The following TNK2 variants were observed in gnomAD, a reference collection of about 807,000 sequenced individuals.
The protein encoded by TNK2 is activated CDC42 kinase 1.
Under a neutral mutation model 101.8 loss-of-function variants are expected in TNK2, and 83 were observed. The observed-to-expected ratio is 0.82, with a 90% CI of 0.68 to 0.98. The LOEUF (loss-of-function observed/expected upper bound fraction) is 0.98. TNK2 is among the 50% of genes least tolerant of loss of function. The pLI, the probability that TNK2 is intolerant of heterozygous loss-of-function variation, is 0.00. For missense variants in TNK2, 1,665 were observed against 1,483.2 expected, an observed-to-expected ratio of 1.12 and a Z score of -2.01; for synonymous variants, 804 against 633.0, an observed-to-expected ratio of 1.27 and a Z score of -4.06.
intron 10 of TNK2, among the ~76,000 whole-genome samples, chr3:195,870,770 A>G (rs79566675): frequency 0.016 from 2,488 of 152,318 alleles, 84 homozygotes; most frequent in African/African-American, 0.057. Context: ...GCATGCCAGG[A>G]GTGGGGCAGA....
In TNK2 at chr3:195,864,122, G is replaced by A. The variant is rs984325489; in HGVS notation, c.*59C>T. On this transcript the variant is annotated 3_prime_UTR_variant, in exon 16 of 16. Transcript: ENST00000672887. ...GGATGGGGGCATCTCCCCACTCCTG[G>A]TGGACGGACAGGCTCAGGTGATTCC... 1 of 1,612,490 alleles carries A rather than the reference G, an allele frequency of 6.2e-7. No individual in the cohort carries two copies. Among genetic ancestry groups the A allele is most frequent in the Non-Finnish European group, 8.5e-7 (1 of 1,178,932 alleles).
intron 9 of TNK2, among the ~76,000 whole-genome samples, chr3:195,877,744 C>T (rs1468291874): frequency 6.6e-6 from 1 of 152,028 alleles, no homozygotes; most frequent in African/African-American, 2.4e-5. Flanking sequence ...AGAGAGGGTC[C>T]TCCCAAGGGG....
Position 195,883,246 on chromosome 3 carries a change from A to G in TNK2, c.520T>C (p.Phe174Leu). 1 of 1,613,276 alleles carries G rather than the reference A, an allele frequency of 6.2e-7. No individual in the cohort carries two copies. Residue 174 changes from phenylalanine (F) to leucine (L), a missense_variant, in exon 5 of 16, where the codon TTC (phenylalanine) becomes CTC (leucine). Physicochemically the swap from Phe to Leu is conservative, Grantham distance 22. Around this residue, in one of 3 missense-constraint regions of TNK2, gnomAD observed 490 missense variants for 522.5 expected, o/e 0.94. Transcript: ENST00000672887. ...TGCATGGCATTGACCTCCCGGATGA[A>G]GTCGTCCATGGCTTCTGGCTGGCTC... ...VLSQPEAMDDFIREVNAMHSL... is the reference protein window; with the variant it reads ...VLSQPEAMDDLIREVNAMHSL...
intron 15 of TNK2, among the ~76,000 whole-genome samples, chr3:195,865,689 G>A (rs1001128045): frequency 3.4e-5 from 5 of 146,928 alleles, no homozygotes; most frequent in Non-Finnish European, 7.5e-5. Context: ...GTGCAAATCA[G>A]TTAAGAACGA....
intron 5 of TNK2, 26 bp downstream of exon 5, chr3:195,883,131 C>A: frequency 6.3e-7 from 1 of 1,594,954 alleles, no homozygotes; most frequent in Non-Finnish European, 8.5e-7. Flanking sequence ...TCTCCCTGCC[C>A]GCCCCCTCCC....
chr3:195,901,944 T>C (rs11185498), intron 1 of TNK2, among the ~76,000 whole-genome samples: 35,081 of 152,136 alleles, frequency 0.23, 4,163 homozygotes, highest in Middle Eastern at 0.32. Context: ...GCTGAGTGAA[T>C]GCATGGATTC....
chr3:195,891,115 G>A (rs1024735785), intron 1 of TNK2, among the ~76,000 whole-genome samples: 6 of 152,188 alleles, frequency 3.9e-5, no homozygotes. Flanking sequence ...TTTAAGACAA[G>A]TAACAATAAA....
Position 195,878,708 on chromosome 3 carries a change from A to G in TNK2, c.1015-116T>C. ...GGCTGCTGCCATGCCTGGCCTCCAA[A>G]GAAGGGATCTGCCTGCCTGGGAGGG... On this transcript the variant is annotated intron_variant, in intron 7 of 15. Coordinates refer to ENST00000672887, the MANE Select transcript of TNK2 (RefSeq NM_001382273.1). This position sits in a 1 kb window ranked among gnomAD's most constrained non-coding sequence, Gnocchi z 4.7. 1 of 1,439,548 alleles carries G rather than the reference A, an allele frequency of 6.9e-7. No homozygotes were observed. Among genetic ancestry groups the G allele is most frequent in the Non-Finnish European group, 9.3e-7 (1 of 1,076,254 alleles). The allele number at this position is 1,439,548 out of a possible 1,614,324, so 89.2% of individuals were successfully genotyped here.
intron 9 of TNK2, among the ~76,000 whole-genome samples, chr3:195,877,466 C>T (rs1298746929): frequency 6.6e-6 from 1 of 152,200 alleles, no homozygotes; most frequent in African/African-American, 2.4e-5. Flanking sequence ...GGGAAGCAGC[C>T]CTAGCCCCAT....
At chr3:195,899,003 G>A (rs1057294026) in intron 1 of TNK2, among the ~76,000 whole-genome samples, 2 of 152,068 alleles carry the variant, frequency 1.3e-5, no homozygotes, top group African/African-American at 4.8e-5. Flanking sequence ...GGCTGAGGCA[G>A]GAGAATGGCG....
At chr3:195,892,914 G>C (rs911400818) in intron 1 of TNK2, 8 of 247,014 alleles carry the variant, frequency 3.2e-5, no homozygotes, top group African/African-American at 9.3e-5. Flanking sequence ...CGGCAGGAAT[G>C]GGGGGGACTC....
chr3:195,881,934 G>A, intron 6 of TNK2, 117 bp downstream of exon 6: 1 of 1,289,366 alleles, frequency 7.8e-7, no homozygotes. Flanking sequence ...CCCAGGCTTA[G>A]AACAGACAAG....
intron 6 of TNK2, 137 bp downstream of exon 6, chr3:195,881,914 A>ATCTC: frequency 3.9e-6 from 4 of 1,036,922 alleles, no homozygotes; most frequent in South Asian, 1.7e-5. Context: ...ATGGGTGCAA[A>ATCTC]GGAGGGCACC....
chr3:195,889,598 G>A (rs963937995), intron 1 of TNK2, among the ~76,000 whole-genome samples: 7 of 152,198 alleles, frequency 4.6e-5, no homozygotes, highest in Admixed American at 3.3e-4. Flanking sequence ...TTTTAACAAT[G>A]CTGAATAGTT....
At chr3:195,871,291 C>T (rs575757897) in intron 10 of TNK2, among the ~76,000 whole-genome samples, 7 of 152,180 alleles carry the variant, frequency 4.6e-5, no homozygotes, top group African/African-American at 9.6e-5. Context: ...GGAGACAGGG[C>T]CTCTCCCAGG....
chr3:195,887,016 C>G lies in TNK2; in HGVS notation c.195G>C (p.Arg65Ser). ...GQRRLWEAVK[R>S]RKALCKRKSW... ...ACTTGCGTTTGCACAAGGCCTTCCTCCTCTTCACAGCCTCCCACAGCCGCC... is the reference window on the plus strand; with the variant it reads ...ACTTGCGTTTGCACAAGGCCTTCCTGCTCTTCACAGCCTCCCACAGCCGCC... The change falls in exon 3 of 16, where the codon AGG becomes AGC. Residue 65 changes from arginine (R) to serine (S), a missense_variant. Coordinates refer to ENST00000672887, the MANE Select transcript of TNK2 (RefSeq NM_001382273.1). 1 of 1,614,210 alleles carries G rather than the reference C, an allele frequency of 6.2e-7. No individual in the cohort carries two copies. The highest frequency in any genetic ancestry group is 8.5e-7 in the Non-Finnish European group (1 of 1,180,010).
chr3:195,886,676 G>C lies in TNK2; in HGVS notation c.234+301C>G, dbSNP rs1479228185. On this transcript the variant is annotated intron_variant, in intron 3 of 15. Coordinates refer to ENST00000672887, the MANE Select transcript of TNK2 (RefSeq NM_001382273.1). This position sits in a 1 kb window ranked among gnomAD's most constrained non-coding sequence, Gnocchi z 4.2. Reference sequence around the variant, plus strand: ...TGGCCCCAACGCTCAGACACAGCAGGGCTAAGTTAAGGCACACTTGTCAAT... The same window carrying C: ...TGGCCCCAACGCTCAGACACAGCAGCGCTAAGTTAAGGCACACTTGTCAAT... Among the ~76,000 whole-genome samples, 1 of 152,154 alleles carries C rather than the reference G, an allele frequency of 6.6e-6. No individual in the cohort carries two copies. Among genetic ancestry groups the C allele is most frequent in the Non-Finnish European group, 1.5e-5 (1 of 68,022 alleles).
At position 195,887,764 on chromosome 3, in the gene TNK2, CGT is replaced by C. The variant is rs539362416; in HGVS notation, c.163+660_163+661del. ...GTGTGTGTGCACACGCGTGTGCGCA[CGT>C]GTGTGCGTCTGCGCGCGTGTGTGTA... On this transcript the variant is annotated intron_variant, in intron 2 of 15. Coordinates refer to ENST00000672887, the MANE Select transcript of TNK2 (RefSeq NM_001382273.1). 8.3e-4 allele frequency among the ~76,000 whole-genome samples: 117 copies of C among 140,586 alleles called. 1 individual carries two copies. The Middle Eastern group carries it at 0.014, about 17-fold the overall frequency. 92.2% of individuals were successfully genotyped at this position (140,586 alleles called of 152,430 possible). A position where few individuals can be genotyped will look rare whatever the true frequency, so the allele number is the denominator to read the frequency against.
intron 11 of TNK2, 131 bp from the exon 12 acceptor site, chr3:195,869,672 T>C: frequency 3.2e-6 from 3 of 947,696 alleles, no homozygotes. Flanking sequence ...CGAGTGAATG[T>C]ACAAGCCCCC....
Sources: gnomAD v4.1 joint callset for allele counts (sites outside exome capture counted in the v4.1 genomes callset) on GRCh38, gnomAD v4.1.1 for gene constraint, gnomAD v4.1.1 regional missense constraint, Gnocchi (gnomAD v3.1) non-coding constraint, MANE v1.5 for transcripts, NCBI Gene and HGNC (gene_info 2026-07-23, HGNC 2026-07-21) for gene names.